ADGRL3: variants seen among roughly 807,000 people sequenced by gnomAD.
ADGRL3 encodes the protein adhesion G protein-coupled receptor L3.
A neutral mutation model predicts 153.5 loss-of-function variants in ADGRL3; 62 were observed. The observed-to-expected ratio is 0.40, with a 90% CI of 0.33 to 0.50. ADGRL3 has a LOEUF of 0.50. Among genes scored for constraint, ADGRL3 ranks in the 20% least tolerant of loss-of-function variants. ADGRL3 has a pLI of 0.47. For missense variants in ADGRL3, 1,641 were observed against 1,859.4 expected (o/e 0.88, Z 2.16); for synonymous variants, 710 against 672.5 (o/e 1.06, Z -0.86).
intron 1 of ADGRL3, among the ~76,000 whole-genome samples, chr4:61,225,191 G>C (rs925528401): frequency 6.6e-6 from 1 of 152,180 alleles, no homozygotes; most frequent in Non-Finnish European, 1.5e-5. Flanking sequence ...TTAGCTGCCT[G>C]ACAGAGCAGA....
At chr4:61,293,568 A>G (rs2094302736) in intron 1 of ADGRL3, among the ~76,000 whole-genome samples, 1 of 152,174 alleles carries the variant, frequency 6.6e-6, no homozygotes, top group Non-Finnish European at 1.5e-5. Context: ...GCTGCATATA[A>G]TATTAGTAAA....
At chr4:61,858,841 T>C (rs1382788337) in intron 9 of ADGRL3, among the ~76,000 whole-genome samples, 1 of 152,130 alleles carries the variant, frequency 6.6e-6, no homozygotes, top group East Asian at 1.9e-4. Flanking sequence ...GAAGTCGGAC[T>C]TAGAAATGGG....
intron 2 of ADGRL3, among the ~76,000 whole-genome samples, chr4:61,464,618 A>C (rs1172370795): frequency 6.6e-6 from 1 of 152,188 alleles, no homozygotes; most frequent in Admixed American, 6.5e-5. Context: ...ATAATACATA[A>C]CTAATATGGC....
intron 2 of ADGRL3, among the ~76,000 whole-genome samples, chr4:61,469,404 A>G (rs2097919233): frequency 6.6e-6 from 1 of 152,042 alleles, no homozygotes; most frequent in African/African-American, 2.4e-5. Context: ...CAGTACCGGG[A>G]AGCCATTTCT....
intron 21 of ADGRL3, among the ~76,000 whole-genome samples, chr4:62,014,955 G>A (rs2099204799): frequency 6.6e-6 from 1 of 152,112 alleles, no homozygotes; most frequent in African/African-American, 2.4e-5. Context: ...TTCGGCAGTG[G>A]TTTCCAGCAG....
chr4:61,518,630 A>T (rs1198638215), intron 4 of ADGRL3, among the ~76,000 whole-genome samples: 1 of 152,206 alleles, frequency 6.6e-6, no homozygotes, highest in Non-Finnish European at 1.5e-5. Flanking sequence ...GTAACTTTGC[A>T]TTCACCGTAG....
chr4:61,850,179 A>T, intron 9 of ADGRL3, among the ~76,000 whole-genome samples: 1 of 152,132 alleles, frequency 6.6e-6, no homozygotes. Flanking sequence ...TACCATGGGT[A>T]TATGCATTGT....
intron 5 of ADGRL3, among the ~76,000 whole-genome samples, chr4:61,628,984 C>T (rs2092995687): frequency 6.6e-6 from 1 of 152,180 alleles, no homozygotes; most frequent in Non-Finnish European, 1.5e-5. Flanking sequence ...ATGACAGCCT[C>T]CCAGTCTCTG....
intron 5 of ADGRL3, among the ~76,000 whole-genome samples, chr4:61,669,769 A>T (rs2094928661): frequency 1.3e-5 from 2 of 152,230 alleles, no homozygotes; most frequent in African/African-American, 4.8e-5. Flanking sequence ...ACAAAAAGGC[A>T]CAAGGCACTC....
intron 5 of ADGRL3, among the ~76,000 whole-genome samples, chr4:61,631,869 T>C (rs1317902278): frequency 6.6e-6 from 1 of 152,042 alleles, no homozygotes. Context: ...CCTCGTGATC[T>C]GCCCCCCTCA....
At chr4:61,374,639 G>A (rs180868190) in intron 1 of ADGRL3, among the ~76,000 whole-genome samples, 1 of 152,102 alleles carries the variant, frequency 6.6e-6, no homozygotes, top group Non-Finnish European at 1.5e-5. Flanking sequence ...AGAGAAAAAA[G>A]GAGAAAGCAG....
intron 13 of ADGRL3, among the ~76,000 whole-genome samples, chr4:61,919,544 T>A (rs2149955034): frequency 6.6e-6 from 1 of 152,288 alleles, no homozygotes; most frequent in Non-Finnish European, 1.5e-5. Flanking sequence ...TAAAGAATGG[T>A]TATAAGAATT....
intron 19 of ADGRL3, among the ~76,000 whole-genome samples, chr4:61,985,706 A>G (rs981600350): frequency 6.6e-6 from 1 of 152,196 alleles, no homozygotes; most frequent in South Asian, 2.1e-4. Context: ...GAACTATGCT[A>G]TTTTAAGCAC....
At chr4:61,330,102 T>G (rs541514873) in intron 1 of ADGRL3, among the ~76,000 whole-genome samples, 1 of 152,324 alleles carries the variant, frequency 6.6e-6, no homozygotes, top group East Asian at 1.9e-4. Flanking sequence ...ACTTCACAAT[T>G]TAAGACTAAT....
At chr4:61,313,529 G>A (rs1170155701) in intron 1 of ADGRL3, among the ~76,000 whole-genome samples, 2 of 152,154 alleles carry the variant, frequency 1.3e-5, no homozygotes. Context: ...TGGACAGTAA[G>A]TCCTCACTTA....
At chr4:61,230,889 C>G (rs745569389) in intron 1 of ADGRL3, among the ~76,000 whole-genome samples, 3 of 152,170 alleles carry the variant, frequency 2.0e-5, no homozygotes, top group Non-Finnish European at 2.9e-5. Context: ...GTACAGCCTC[C>G]TGGGGAAAAG....
chr4:61,844,575 A>AAAAAAAAATATATATATATAT (rs1554045137), intron 9 of ADGRL3, among the ~76,000 whole-genome samples: 1 of 18,104 alleles, frequency 5.5e-5, no homozygotes, highest in African/African-American at 2.6e-4. Flanking sequence ...AAAAAAAAAA[A>AAAAAAAAATATATATATATAT]ATATATATAT....
At chr4:61,668,117 T>C (rs534619219) in intron 5 of ADGRL3, among the ~76,000 whole-genome samples, 3 of 152,226 alleles carry the variant, frequency 2.0e-5, no homozygotes, top group African/African-American at 7.2e-5. Flanking sequence ...ATGAGCTGAT[T>C]ATCTTGGATT....
intron 6 of ADGRL3, among the ~76,000 whole-genome samples, chr4:61,721,646 A>G (rs1438468894): frequency 1.3e-5 from 2 of 152,202 alleles, no homozygotes; most frequent in Non-Finnish European, 2.9e-5. Flanking sequence ...AATCCAATCA[A>G]GTTGACACTC....
Sources: allele counts gnomAD v4.1 joint callset (sites outside exome capture counted in the v4.1 genomes callset), GRCh38; gene constraint gnomAD v4.1.1; transcripts MANE v1.5; gene names NCBI Gene and HGNC (gene_info 2026-07-23, HGNC 2026-07-21).